The following TCF12 variants were observed in gnomAD, a reference collection of about 807,000 sequenced individuals.
TCF12 encodes DNA-binding protein HTF4.
A neutral mutation model predicts 86.0 loss-of-function variants in TCF12; 45 were observed. That is an observed-to-expected ratio of 0.52 (90% CI 0.41 to 0.67). The LOEUF is 0.67. TCF12 is among the 30% of genes least tolerant of loss of function. TCF12 has a pLI of 0.00. For missense variants in TCF12, 881 were observed against 859.9 expected (o/e 1.02, Z -0.31); for synonymous variants, 330 against 299.6 (o/e 1.10, Z -1.05).
rs1343964997 is a variant in TCF12, at chr15:57,288,029, AC to A, written c.*1885del. 6.5e-6 allele frequency: 1 copy of A among 152,770 alleles called. No homozygotes were observed. The highest frequency in any genetic ancestry group is 2.4e-5 in the African/African-American group (1 of 41,586). The allele number at this position is 152,770 out of a possible 1,614,324, so 9.5% of individuals were successfully genotyped here. A position where few individuals can be genotyped will look rare whatever the true frequency, so the allele number is the denominator to read the frequency against. ...TCCTTCATAAAATAGAAAGAAAAAA[AC>A]ATTTGGCTTATTTTTCACTGTAGCT... is the stretch of plus-strand genomic sequence containing the variant. On this transcript the variant is annotated 3_prime_UTR_variant, in exon 21 of 21. Transcript: ENST00000333725.
At chr15:57,051,907 A>T (rs540430575) in intron 3 of TCF12, among the ~76,000 whole-genome samples, 6 of 152,192 alleles carry the variant, frequency 3.9e-5, no homozygotes, top group Admixed American at 1.3e-4. Flanking sequence ...TCCTTTCCCT[A>T]TTATGTATTC....
chr15:57,062,908 A>G (rs2141715003), intron 3 of TCF12, among the ~76,000 whole-genome samples: 1 of 152,354 alleles, frequency 6.6e-6, no homozygotes, highest in Non-Finnish European at 1.5e-5. Flanking sequence ...GCAGTCAAGG[A>G]TGAAAAAGAC....
At chr15:57,039,994 CTT>C (rs2066786193) in intron 3 of TCF12, among the ~76,000 whole-genome samples, 1 of 152,156 alleles carries the variant, frequency 6.6e-6, no homozygotes, top group African/African-American at 2.4e-5. Context: ...TCAGGCCTCT[CTT>C]GATTAGCTTT....
intron 3 of TCF12, among the ~76,000 whole-genome samples, chr15:56,985,391 G>T (rs950712431): frequency 7.9e-5 from 12 of 152,182 alleles, no homozygotes; most frequent in African/African-American, 1.2e-4. Flanking sequence ...AAAATTGTGA[G>T]TCAGAAGCCA....
chr15:57,239,950 C>G (rs776711026), intron 12 of TCF12, among the ~76,000 whole-genome samples: 1 of 152,046 alleles, frequency 6.6e-6, no homozygotes, highest in Non-Finnish European at 1.5e-5. Context: ...GGAGTCATAC[C>G]TGGATGTGAT....
intron 5 of TCF12, among the ~76,000 whole-genome samples, chr15:57,094,037 C>T (rs548356787): frequency 6.6e-6 from 1 of 152,194 alleles, no homozygotes; most frequent in African/African-American, 2.4e-5. Context: ...TTCCTTAGCA[C>T]AACACCAGCT....
At chr15:56,982,465 G>A (rs906250895) in intron 3 of TCF12, among the ~76,000 whole-genome samples, 2 of 152,064 alleles carry the variant, frequency 1.3e-5, no homozygotes, top group Non-Finnish European at 2.9e-5. Flanking sequence ...TATAGAATTG[G>A]TGCTGACTCA....
intron 8 of TCF12, among the ~76,000 whole-genome samples, chr15:57,228,418 T>A (rs1328491692): frequency 1.3e-5 from 2 of 151,370 alleles, no homozygotes; most frequent in African/African-American, 4.9e-5. Context: ...TATAGTAGGA[T>A]TTTTTTTTGC....
intron 2 of TCF12, among the ~76,000 whole-genome samples, chr15:56,920,239 C>T (rs1424122667): frequency 6.6e-6 from 1 of 152,006 alleles, no homozygotes; most frequent in Admixed American, 6.6e-5. Flanking sequence ...TTTGATTTAA[C>T]CAGTTAAAAG....
chr15:57,279,612 G>T (rs561977623), intron 19 of TCF12, among the ~76,000 whole-genome samples: 1 of 152,198 alleles, frequency 6.6e-6, no homozygotes, highest in Admixed American at 6.5e-5. Context: ...AGTGTTCTTT[G>T]TCTGAATATA....
chr15:56,934,967 T>C (rs2060404323), intron 3 of TCF12, among the ~76,000 whole-genome samples: 1 of 152,218 alleles, frequency 6.6e-6, no homozygotes, highest in African/African-American at 2.4e-5. Flanking sequence ...CTTCTCTCTT[T>C]GTAATAATTC....
chr15:57,094,641 G>A (rs1182504462), intron 5 of TCF12, among the ~76,000 whole-genome samples: 2 of 152,192 alleles, frequency 1.3e-5, no homozygotes, highest in Non-Finnish European at 2.9e-5. Flanking sequence ...AGTATTTGAA[G>A]CATTTGGAAC....
At chr15:56,948,923 A>G (rs565230280) in intron 3 of TCF12, among the ~76,000 whole-genome samples, 2 of 152,332 alleles carry the variant, frequency 1.3e-5, no homozygotes, top group South Asian at 2.1e-4. Context: ...ACAAGGCCAC[A>G]TATCAGATTA....
intron 3 of TCF12, among the ~76,000 whole-genome samples, chr15:56,988,085 A>C (rs1308944589): frequency 1.2e-4 from 18 of 152,226 alleles, no homozygotes; most frequent in African/African-American, 4.3e-4. Flanking sequence ...TTAAACAAGA[A>C]CATTAAAATA....
intron 5 of TCF12, among the ~76,000 whole-genome samples, chr15:57,130,798 CT>C (rs1325338971): frequency 6.6e-6 from 1 of 152,100 alleles, no homozygotes; most frequent in Non-Finnish European, 1.5e-5. Context: ...CATATATTAG[CT>C]CATAAAATCT....
intron 11 of TCF12, among the ~76,000 whole-genome samples, chr15:57,233,811 A>C (rs543382780): frequency 7.9e-5 from 12 of 152,288 alleles, no homozygotes; most frequent in African/African-American, 2.9e-4. Context: ...TTAGTGTTGA[A>C]TTTAAAAGTG....
intron 18 of TCF12, among the ~76,000 whole-genome samples, chr15:57,264,195 CT>C (rs770642915): frequency 9.1e-4 from 46 of 50,690 alleles, no homozygotes; most frequent in African/African-American, 4.3e-3. Context: ...CTTTTGTAAG[CT>C]TTTTTTTTTT....
chr15:56,993,299 A>G (rs1030556944), intron 3 of TCF12, among the ~76,000 whole-genome samples: 1 of 152,154 alleles, frequency 6.6e-6, no homozygotes, highest in Non-Finnish European at 1.5e-5. Flanking sequence ...CCGTGTGGTA[A>G]TGGCAGCAGA....
At chr15:56,925,745 T>C (rs2059982913) in intron 3 of TCF12, among the ~76,000 whole-genome samples, 1 of 152,216 alleles carries the variant, frequency 6.6e-6, no homozygotes, top group Non-Finnish European at 1.5e-5. Context: ...TTTTAAAAGA[T>C]CATTTAATAA....
Sources: allele counts gnomAD v4.1 joint callset (sites outside exome capture counted in the v4.1 genomes callset), GRCh38; gene constraint gnomAD v4.1.1; transcripts MANE v1.5; gene names NCBI Gene and HGNC (gene_info 2026-07-23, HGNC 2026-07-21).